ITPR1: variants seen among roughly 807,000 people sequenced by gnomAD.
The protein encoded by ITPR1 is inositol 1,4,5-trisphosphate-gated calcium channel ITPR1.
In ITPR1, 96 loss-of-function variants were observed where a neutral mutation model predicts 318.4. That is an observed-to-expected ratio of 0.30 (90% CI 0.26 to 0.36). ITPR1 has a LOEUF of 0.36. ITPR1 is among the 10% of genes least tolerant of loss of function. The pLI is 1.00. For synonymous variants in ITPR1, 1,312 were observed against 1,289.9 expected (o/e 1.02, Z -0.37); for missense variants, 2,440 against 3,460.2 (o/e 0.71, Z 7.40).
chr3:4,578,335 A>G (rs899464355), intron 4 of ITPR1, among the ~76,000 whole-genome samples: 1 of 152,050 alleles, frequency 6.6e-6, no homozygotes, highest in African/African-American at 2.4e-5. Flanking sequence ...GAGTGACAGT[A>G]TCAGAGAATG....
At chr3:4,570,916 TCA>T (rs1415855242) in intron 4 of ITPR1, among the ~76,000 whole-genome samples, 1 of 152,236 alleles carries the variant, frequency 6.6e-6, no homozygotes, top group African/African-American at 2.4e-5. Flanking sequence ...GTGTCTGTGG[TCA>T]CAGAGGTTCT....
At chr3:4,800,313 C>T in intron 53 of ITPR1, 112 bp from the exon 54 acceptor site, 1 of 1,101,178 alleles carries the variant, frequency 9.1e-7, no homozygotes, top group Non-Finnish European at 1.3e-6. Context: ...AGAGTTGGGA[C>T]TGGTAAGCCA....
chr3:4,734,636 C>A (rs913899832), intron 43 of ITPR1, among the ~76,000 whole-genome samples: 2 of 152,244 alleles, frequency 1.3e-5, no homozygotes, highest in Non-Finnish European at 1.5e-5. Context: ...TCATCTCCCC[C>A]ATCCCCAGCT....
At chr3:4,639,539 C>CTGTCTTAGGTGTTTGTTT in intron 6 of ITPR1, 69 bp downstream of exon 6, 1 of 1,173,732 alleles carries the variant, frequency 8.5e-7, no homozygotes, top group Non-Finnish European at 1.2e-6. Flanking sequence ...GAAACAAACA[C>CTGTCTTAGGTGTTTGTTT]CTAAGACAGG....
intron 21 of ITPR1, among the ~76,000 whole-genome samples, chr3:4,673,870 C>A (rs748057169): frequency 1.3e-5 from 2 of 152,222 alleles, no homozygotes; most frequent in Non-Finnish European, 2.9e-5. Context: ...GCGTGAGCCA[C>A]CGCGCCTGGC....
chr3:4,550,187 G>C (rs2085418029), intron 4 of ITPR1, among the ~76,000 whole-genome samples: 1 of 152,116 alleles, frequency 6.6e-6, no homozygotes, highest in African/African-American at 2.4e-5. Flanking sequence ...GCTATTAAAA[G>C]TTCTCTGAGA....
chr3:4,743,178 C>G (rs954480523), intron 44 of ITPR1, among the ~76,000 whole-genome samples: 2 of 152,264 alleles, frequency 1.3e-5, no homozygotes, highest in African/African-American at 4.8e-5. Flanking sequence ...TTCCCTCCTT[C>G]TCTTCCTTTC....
At chr3:4,815,261 G>C (rs2106494783) in intron 59 of ITPR1, 43 bp downstream of exon 59, 1 of 1,600,844 alleles carries the variant, frequency 6.2e-7, no homozygotes, top group East Asian at 2.2e-5. Context: ...TGAAGGCCCA[G>C]CGTGGCAGAG....
chr3:4,571,197 A>C (rs1361490647), intron 4 of ITPR1, among the ~76,000 whole-genome samples: 1 of 152,192 alleles, frequency 6.6e-6, no homozygotes, highest in Non-Finnish European at 1.5e-5. Context: ...TGGCATTACA[A>C]AGTTTCATGT....
rs76886023 is a variant in ITPR1, at chr3:4,708,247, T to G, written c.4842+1896T>G. ...TACTCAATTCCAGCTAGATTATTCC[T>G]TTTTTTTCTTAGCGTCTACCAAGAG... is the stretch of plus-strand genomic sequence containing the variant. On this transcript the variant is annotated intron_variant, in intron 37 of 61. Coordinates refer to ENST00000649015, the MANE Select transcript of ITPR1 (RefSeq NM_001378452.1). Among the ~76,000 whole-genome samples, 745 of 152,152 alleles carry G rather than the reference T, an allele frequency of 4.9e-3. 6 individuals carry two copies. Among genetic ancestry groups the G allele is most frequent in the Non-Finnish European group, 8.9e-3 (602 of 67,972 alleles).
At chr3:4,598,315 C>T (rs2125077718) in intron 4 of ITPR1, among the ~76,000 whole-genome samples, 1 of 152,266 alleles carries the variant, frequency 6.6e-6, no homozygotes, top group Admixed American at 6.5e-5. Flanking sequence ...CTTGTTTGAA[C>T]AGAGAATTAA....
intron 59 of ITPR1, among the ~76,000 whole-genome samples, chr3:4,815,983 TATACAC>T (rs1022053495): frequency 9.5e-6 from 1 of 105,578 alleles, no homozygotes; most frequent in Non-Finnish European, 2.1e-5. Flanking sequence ...TCATTTGCTT[TATACAC>T]ACACACACAC....
At chr3:4,687,304 T>A (rs1350900627) in intron 30 of ITPR1, among the ~76,000 whole-genome samples, 1 of 152,252 alleles carries the variant, frequency 6.6e-6, no homozygotes, top group African/African-American at 2.4e-5. Context: ...AAAGCTAACA[T>A]TTACAGAGTA....
chr3:4,733,091 G>A lies in ITPR1; in HGVS notation c.5224G>A (p.Glu1742Lys), dbSNP rs1249092810. Residue 1742 changes from glutamate to lysine, a missense_variant, in exon 43 of 62, where the codon GAG (glutamate) becomes AAG (lysine). This residue lies in a region of ITPR1 where 166 missense variants were observed against 143.7 expected (regional missense o/e 1.16). Transcript: ENST00000649015. ...TTATTATCCTGTTTGAATTAAGGGT[G>A]AGGCGCTCAGGCAAGTTCTGGTCAA... Reference protein sequence around the residue: ...LRQLEDHKRGEALRQVLVNRY... With the variant: ...LRQLEDHKRGKALRQVLVNRY... 3 of 1,612,776 alleles carry A rather than the reference G, an allele frequency of 1.9e-6. No individual in the cohort carries two copies. Among genetic ancestry groups the A allele is most frequent in the Non-Finnish European group, 2.5e-6 (3 of 1,179,380 alleles).
At chr3:4,498,434 G>A (rs1368784847) in intron 2 of ITPR1, among the ~76,000 whole-genome samples, 1 of 152,164 alleles carries the variant, frequency 6.6e-6, no homozygotes, top group South Asian at 2.1e-4. Context: ...AAGAAGGCCA[G>A]GGGAGAGTGC....
At chr3:4,643,861 T>G (rs979219124) in intron 7 of ITPR1, among the ~76,000 whole-genome samples, 2 of 152,004 alleles carry the variant, frequency 1.3e-5, no homozygotes, top group African/African-American at 2.4e-5. Flanking sequence ...CTGAACAGTT[T>G]TTTTTTTTTT....
At chr3:4,680,263 CATTTATGGAGCCAGGAGTGAGTG>C (rs1020606291) in intron 24 of ITPR1, among the ~76,000 whole-genome samples, 1 of 152,034 alleles carries the variant, frequency 6.6e-6, no homozygotes, top group African/African-American at 2.4e-5. Flanking sequence ...TTATAGACTC[CATTTATGGAGCCAGGAGTGAGTG>C]ATTTAGTGTT....
At chr3:4,796,297 G>A (rs373921706) in intron 53 of ITPR1, among the ~76,000 whole-genome samples, 106 of 90,044 alleles carry the variant, frequency 1.2e-3, no homozygotes, top group African/African-American at 4.7e-3. Flanking sequence ...AGTCCAGGGG[G>A]GATTTTTTTT....
At chr3:4,641,168 C>T (rs147092614) in intron 6 of ITPR1, among the ~76,000 whole-genome samples, 1,568 of 152,262 alleles carry the variant, frequency 0.01, 34 homozygotes, top group African/African-American at 0.033. Flanking sequence ...TATTCCCTTC[C>T]GCTTTCTCTT....
Sources: gnomAD v4.1 joint callset for allele counts (sites outside exome capture counted in the v4.1 genomes callset) on GRCh38, gnomAD v4.1.1 for gene constraint, gnomAD v4.1.1 regional missense constraint, MANE v1.5 for transcripts, NCBI Gene and HGNC (gene_info 2026-07-23, HGNC 2026-07-21) for gene names.